SRBD1: variants seen among roughly 807,000 people sequenced by gnomAD.
SRBD1 encodes S1 RNA-binding domain-containing protein 1.
A neutral mutation model predicts 115.3 loss-of-function variants in SRBD1; 88 were observed. That is an observed-to-expected ratio of 0.76 (90% CI 0.64 to 0.91). The LOEUF (loss-of-function observed/expected upper bound fraction) is 0.91, where lower values mean the gene tolerates loss of function less well. Among genes scored for constraint, SRBD1 ranks in the 40% least tolerant of loss-of-function variants. The probability of loss-of-function intolerance (pLI) is 0.00; values close to 1 mark genes in which losing one functional copy is unlikely to be tolerated. For synonymous variants in SRBD1, 509 were observed against 407.7 expected (o/e 1.25, Z -2.99); for missense variants, 1,385 against 1,177.4 (o/e 1.18, Z -2.58).
intron 7 of SRBD1, among the ~76,000 whole-genome samples, chr2:45,577,774 CAT>C (rs1428179531): frequency 6.6e-6 from 1 of 151,306 alleles, no homozygotes; most frequent in Non-Finnish European, 1.5e-5. Context: ...TTGTGTGTAA[CAT>C]AAAGGAGGAG....
intron 14 of SRBD1, among the ~76,000 whole-genome samples, chr2:45,494,706 C>A (rs1670403933): frequency 6.6e-6 from 1 of 152,200 alleles, no homozygotes; most frequent in Non-Finnish European, 1.5e-5. Context: ...AACCAGCTCA[C>A]TATCTACAAT....
At chr2:45,533,042 C>T (rs1276262111) in intron 14 of SRBD1, among the ~76,000 whole-genome samples, 2 of 151,970 alleles carry the variant, frequency 1.3e-5, no homozygotes, top group South Asian at 2.1e-4. Flanking sequence ...CAATAAGAAA[C>T]TGAATACATT....
chr2:45,450,149 T>C (rs1201239998), intron 16 of SRBD1, among the ~76,000 whole-genome samples: 5 of 152,192 alleles, frequency 3.3e-5, no homozygotes, highest in Non-Finnish European at 5.9e-5. Flanking sequence ...GAGAGTGTTA[T>C]ATGGAAATCA....
chr2:45,424,425 A>C (rs1572625799), intron 16 of SRBD1, among the ~76,000 whole-genome samples: 1 of 152,184 alleles, frequency 6.6e-6, no homozygotes, highest in South Asian at 2.1e-4. Flanking sequence ...AAAATTTGAA[A>C]AAACGGCTCA....
At chr2:45,557,669 C>T (rs1672525488) in intron 10 of SRBD1, among the ~76,000 whole-genome samples, 2 of 152,166 alleles carry the variant, frequency 1.3e-5, no homozygotes, top group Admixed American at 1.3e-4. Context: ...CTGCCCTTCA[C>T]CGGCTTCCTG....
chr2:45,522,258 G>A (rs185641168), intron 14 of SRBD1, among the ~76,000 whole-genome samples: 71 of 151,904 alleles, frequency 4.7e-4, no homozygotes, highest in Admixed American at 7.2e-4. Flanking sequence ...CTGCAACCTC[G>A]ACCTCCCAGG....
chr2:45,468,814 C>T (rs1212420567), intron 16 of SRBD1, among the ~76,000 whole-genome samples: 5 of 152,156 alleles, frequency 3.3e-5, no homozygotes, highest in African/African-American at 1.2e-4. Flanking sequence ...ACTTCCAGTG[C>T]TCTCCAAAGT....
intron 10 of SRBD1, among the ~76,000 whole-genome samples, chr2:45,553,966 T>A (rs765872788): frequency 2.0e-5 from 3 of 152,050 alleles, no homozygotes; most frequent in Non-Finnish European, 4.4e-5. Flanking sequence ...AAGGAAAAAA[T>A]TTCCTCTTCA....
chr2:45,394,318 T>C (rs1048093228), intron 19 of SRBD1, among the ~76,000 whole-genome samples: 24 of 152,350 alleles, frequency 1.6e-4, no homozygotes, highest in Admixed American at 4.6e-4. Flanking sequence ...TTTAATTTCA[T>C]GTGAATACTG....
intron 14 of SRBD1, among the ~76,000 whole-genome samples, chr2:45,522,075 T>C (rs1671301927): frequency 6.6e-6 from 1 of 151,888 alleles, no homozygotes; most frequent in Admixed American, 6.6e-5. Flanking sequence ...CAATAGCCAG[T>C]AGGTGAAAAT....
At chr2:45,564,457 A>G (rs1028883476) in intron 9 of SRBD1, among the ~76,000 whole-genome samples, 3 of 152,208 alleles carry the variant, frequency 2.0e-5, no homozygotes, top group African/African-American at 4.8e-5. Context: ...GGAAGATGTA[A>G]AACTTTCTCT....
chr2:45,544,601 C>A (rs1312669432), intron 14 of SRBD1, among the ~76,000 whole-genome samples: 1 of 152,144 alleles, frequency 6.6e-6, no homozygotes, highest in African/African-American at 2.4e-5. Flanking sequence ...TACCACAATA[C>A]ATAGATTTTA....
Position 45,546,728 on chromosome 2 carries a change from T to G in SRBD1, c.1874+4A>C, listed in dbSNP as rs1157870766. 2 of 1,613,538 alleles carry G rather than the reference T, an allele frequency of 1.2e-6. No individual in the cohort carries two copies. The highest frequency in any genetic ancestry group is 2.2e-5 in the South Asian group (2 of 91,070). ...AAGAAAAGAGATATATGTAATAGCC[T>G]TACCAGTAAACAACATCCAGTGGTG... On this transcript the variant is annotated splice_donor_region_variant and intron_variant, in intron 14 of 20. Coordinates refer to ENST00000263736, the MANE Select transcript of SRBD1 (RefSeq NM_018079.5).
At chr2:45,531,270 C>A (rs553229139) in intron 14 of SRBD1, among the ~76,000 whole-genome samples, 1 of 151,776 alleles carries the variant, frequency 6.6e-6, no homozygotes, top group South Asian at 2.1e-4. Flanking sequence ...TCCATACTCA[C>A]CGTATATAAA....
At chr2:45,510,833 A>G (rs539591325) in intron 14 of SRBD1, among the ~76,000 whole-genome samples, 13 of 152,346 alleles carry the variant, frequency 8.5e-5, no homozygotes, top group African/African-American at 3.1e-4. Flanking sequence ...TCCAAAAAGA[A>G]AAGTTTCATC....
At chr2:45,559,163 C>T (rs1476357450) in intron 10 of SRBD1, among the ~76,000 whole-genome samples, 1 of 152,164 alleles carries the variant, frequency 6.6e-6, no homozygotes, top group Non-Finnish European at 1.5e-5. Context: ...ATCTCTTGTG[C>T]CATATCTACT....
chr2:45,438,136 C>T (rs1221841144), intron 16 of SRBD1, among the ~76,000 whole-genome samples: 2 of 152,136 alleles, frequency 1.3e-5, no homozygotes, highest in Non-Finnish European at 1.5e-5. Context: ...TGGTAACTCT[C>T]TGTAGTTTTT....
At chr2:45,570,857 C>A (rs535048314) in intron 9 of SRBD1, among the ~76,000 whole-genome samples, 1 of 152,150 alleles carries the variant, frequency 6.6e-6, no homozygotes, top group East Asian at 1.9e-4. Flanking sequence ...ATTTCACATG[C>A]CTTGGAACTT....
intron 16 of SRBD1, among the ~76,000 whole-genome samples, chr2:45,429,876 G>A (rs752223631): frequency 2.0e-5 from 3 of 152,174 alleles, no homozygotes; most frequent in Non-Finnish European, 4.4e-5. Context: ...TGACATGACT[G>A]TATATTTAGA....
Sources: allele counts gnomAD v4.1 joint callset (sites outside exome capture counted in the v4.1 genomes callset), GRCh38; gene constraint gnomAD v4.1.1; transcripts MANE v1.5; gene names NCBI Gene and HGNC (gene_info 2026-07-23, HGNC 2026-07-21).